DCAF15: variants seen among roughly 807,000 people sequenced by gnomAD.
DCAF15 encodes the protein DDB1- and CUL4-associated factor 15.
A neutral mutation model predicts 68.0 loss-of-function variants in DCAF15; 24 were observed. The ratio of observed to expected loss-of-function variants is 0.35; its 90% confidence interval spans 0.26 to 0.50. DCAF15 has a LOEUF of 0.50. DCAF15 is among the 20% of genes least tolerant of loss of function. The probability of loss-of-function intolerance (pLI) is 0.98; values close to 1 mark genes in which losing one functional copy is unlikely to be tolerated. For synonymous variants in DCAF15, 376 were observed against 341.6 expected, an observed-to-expected ratio of 1.10 and a Z score of -1.11; for missense variants, 627 against 830.6, an observed-to-expected ratio of 0.75 and a Z score of 3.01.
intron 10 of DCAF15, 62 bp from the exon 11 acceptor site, chr19:13,960,225 C>G: frequency 6.3e-7 from 1 of 1,579,214 alleles, no homozygotes; most frequent in Non-Finnish European, 8.7e-7. Flanking sequence ...TCAGGGTAGC[C>G]TGGGGCCTGG....
rs369087143 is a variant in DCAF15 at position 13,955,901 on chromosome 19, G to A, written c.367-11G>A. ...CCCTGACCCGGTGCTGCCCCTGAAC[G>A]TGCCTCACAGGTCCGGCAGGTTCGG... is the stretch of plus-strand genomic sequence containing the variant. On this transcript the variant is annotated splice_polypyrimidine_tract_variant and intron_variant, in intron 3 of 12. Coordinates refer to ENST00000254337, the MANE Select transcript of DCAF15 (RefSeq NM_138353.4). The A allele has an allele frequency of 1.7e-5, 28 of 1,613,308 alleles. No homozygotes were observed. Among genetic ancestry groups the A allele is most frequent in the South Asian group, 6.6e-5 (6 of 91,078 alleles).
At position 13,959,780 on chromosome 19, in the gene DCAF15, CAGT is replaced by C. The variant is rs759802684; in HGVS notation, c.1326_1328del (p.Val443del). ...ACTCACCCGCAGGGCCAGTACCTGA[CAGT>C]GGAGCAGCTCACACTAGACTTCGAA... is the stretch of plus-strand genomic sequence containing the variant. On this transcript the variant is annotated inframe_deletion, in exon 9 of 13. Coordinates refer to ENST00000254337, the MANE Select transcript of DCAF15 (RefSeq NM_138353.4). 2 of 1,613,548 alleles carry C rather than the reference CAGT, an allele frequency of 1.2e-6. No homozygotes were observed. Among genetic ancestry groups the C allele is most frequent in the African/African-American group, 2.7e-5 (2 of 74,752 alleles).
intron 1 of DCAF15, chr19:13,953,243 G>T (rs985798842): frequency 9.0e-7 from 1 of 1,106,120 alleles, no homozygotes. Context: ...CCAGAGCTGG[G>T]GGATGATGTC....
chr19:13,954,191 C>T (rs1973233810), intron 1 of DCAF15, 149 bp from the exon 2 acceptor site: 2 of 675,794 alleles, frequency 3.0e-6, no homozygotes, highest in African/African-American at 1.8e-5. Flanking sequence ...CTCAGTTGTT[C>T]CCACCTTCCA....
intron 1 of DCAF15, among the ~76,000 whole-genome samples, chr19:13,952,858 C>T (rs1003887451): frequency 2.2e-5 from 1 of 46,104 alleles, no homozygotes; most frequent in African/African-American, 8.6e-5. Flanking sequence ...GTCGGGTGAC[C>T]GGCAAAGGGG....
rs1354681198 is a variant in DCAF15 at position 13,961,101 on chromosome 19, C to T, written c.*106C>T. On this transcript the variant is annotated 3_prime_UTR_variant, in exon 13 of 13. Coordinates refer to ENST00000254337, the MANE Select transcript of DCAF15 (RefSeq NM_138353.4). ...GCCGGCTGGCCCACCGACTGATGAC[C>T]GGCACTAGTGTTAGCCTGCGGAACG... 2.5e-5 allele frequency: 34 copies of T among 1,361,608 alleles called. No homozygotes were observed. Among genetic ancestry groups the T allele is most frequent in the African/African-American group, 4.3e-5 (3 of 69,670 alleles). 84.3% of individuals were successfully genotyped at this position (1,361,608 alleles called of 1,614,324 possible).
In DCAF15 at chr19:13,959,208, C is replaced by T. The variant is rs746134435; in HGVS notation, c.948C>T (p.Ala316=). 1.9e-6 allele frequency: 3 copies of T among 1,613,130 alleles called. No homozygotes were observed. The South Asian group carries it at 3.3e-5, about 18-fold the overall frequency. ...CTGGGTCTCCTGAGCCCTCGCCCGC[C>T]ATTGCCAAAGCCAAGGAGTTTGTGG... ...RSSGSPEPSP[A]IAKAKEFVAD... The change falls in exon 7 of 13, where the codon GCC becomes GCT. Residue 316 remains alanine (A), a synonymous_variant. Coordinates refer to ENST00000254337, the MANE Select transcript of DCAF15 (RefSeq NM_138353.4).
chr19:13,956,845 T>C (rs975463816), intron 6 of DCAF15, among the ~76,000 whole-genome samples: 1 of 152,210 alleles, frequency 6.6e-6, no homozygotes, highest in Non-Finnish European at 1.5e-5. Context: ...CACTGCAACC[T>C]CCCAGGCTCA....
Position 13,959,175 on chromosome 19 carries a change from C to T in DCAF15, c.915C>T (p.Ala305=). 1.2e-6 allele frequency: 2 copies of T among 1,612,698 alleles called. No homozygotes were observed. Among genetic ancestry groups the T allele is most frequent in the South Asian group, 1.1e-5 (1 of 91,080 alleles). The change falls in exon 7 of 13, where the codon GCC becomes GCT. Residue 305 remains alanine, a synonymous_variant. Coordinates refer to ENST00000254337, the MANE Select transcript of DCAF15 (RefSeq NM_138353.4). ...LPSFCPEAAP[A]RSSGSPEPSP... ...GCTTCTGCCCTGAGGCGGCCCCAGCCCGTTCTTCTGGGTCTCCTGAGCCCT... is the reference window on the plus strand; with the variant it reads ...GCTTCTGCCCTGAGGCGGCCCCAGCTCGTTCTTCTGGGTCTCCTGAGCCCT...
At position 13,959,664 on chromosome 19, in the gene DCAF15, T is replaced by C; in HGVS notation, c.1302T>C (p.Thr434=). Residue 434 remains threonine, a synonymous_variant, in exon 8 of 13, where the codon ACT becomes ACC. Coordinates refer to ENST00000254337, the MANE Select transcript of DCAF15 (RefSeq NM_138353.4). ...ACCTGCGGCCCATGCGGGAGCGGAC[T>C]GCTGTCCAGGTGGGTGTGGGCAGTG... is the stretch of plus-strand genomic sequence containing the variant. ...GRNLRPMRER[T]AVQGQYLTVE... is the part of the protein sequence containing the mutation. 6.2e-7 allele frequency: 1 copy of C among 1,613,316 alleles called. No individual in the cohort carries two copies. Among genetic ancestry groups the C allele is most frequent in the African/African-American group, 1.3e-5 (1 of 75,018 alleles).
chr19:13,957,827 C>T (rs1973431552), intron 6 of DCAF15, among the ~76,000 whole-genome samples: 1 of 151,908 alleles, frequency 6.6e-6, no homozygotes, highest in East Asian at 1.9e-4. Context: ...GCGGAGGTTG[C>T]AGTGAGCCGA....
At chr19:13,959,533 C>T (rs367907632) in intron 7 of DCAF15, 49 bp from the exon 8 acceptor site, 51 of 1,611,260 alleles carry the variant, frequency 3.2e-5, no homozygotes, top group African/African-American at 2.3e-4. Context: ...CCAGCCCAGA[C>T]GGGGCCCCTG....
At chr19:13,956,099 A>T (rs372271736) in intron 4 of DCAF15, 24 bp from the exon 5 acceptor site, 48 of 1,610,200 alleles carry the variant, frequency 3.0e-5, no homozygotes, top group Non-Finnish European at 3.7e-5. Flanking sequence ...CCGACCAGGC[A>T]GCTGAGGGTA....
chr19:13,953,113 C>T (rs1049445201), intron 1 of DCAF15: 207 of 1,550,274 alleles, frequency 1.3e-4, no homozygotes, highest in Non-Finnish European at 1.8e-4. Flanking sequence ...CTGGGAGTTC[C>T]AGTACCTGGG....
chr19:13,957,628 C>T, intron 6 of DCAF15, among the ~76,000 whole-genome samples: 1 of 152,166 alleles, frequency 6.6e-6, no homozygotes, highest in Admixed American at 6.6e-5. Context: ...ACGATTTAGG[C>T]CAGGCACAGT....
chr19:13,956,116 C>A lies in DCAF15; in HGVS notation c.474-7C>A. 1 of 1,608,438 alleles carries A rather than the reference C, an allele frequency of 6.2e-7. No individual in the cohort carries two copies. Among genetic ancestry groups the A allele is most frequent in the Non-Finnish European group, 8.5e-7 (1 of 1,177,980 alleles). ...GACCAGGCAGCTGAGGGTATGCTGG[C>A]CCCCAGCACCCGCTCGGCCAACGGG... On this transcript the variant is annotated splice_region_variant and splice_polypyrimidine_tract_variant and intron_variant, in intron 4 of 12. Coordinates refer to ENST00000254337, the MANE Select transcript of DCAF15 (RefSeq NM_138353.4).
chr19:13,958,345 G>A (rs1289042526), intron 6 of DCAF15, among the ~76,000 whole-genome samples: 2 of 152,138 alleles, frequency 1.3e-5, no homozygotes, highest in Non-Finnish European at 2.9e-5. Context: ...GGGCTGTCAC[G>A]GTGGTGGAGG....
At chr19:13,956,285 G>A in intron 5 of DCAF15, 23 bp downstream of exon 5, 1 of 1,611,806 alleles carries the variant, frequency 6.2e-7, no homozygotes, top group Non-Finnish European at 8.5e-7. Context: ...AGGGGGCGAG[G>A]GCCTCTTCCC....
In DCAF15 at chr19:13,956,193, G is replaced by A. The variant is rs374888959; in HGVS notation, c.544G>A (p.Val182Ile). ...MSDENHRDIY[V>I]STVAVPPPGR... ...TGACGAGAACCACCGTGACATCTAC[G>A]TCAGCACCGTGGCCGTGCCACCGCC... The change falls in exon 5 of 13, where the codon GTC becomes ATC. Residue 182 changes from valine (V) to isoleucine (I), a missense_variant. Physicochemically the swap from Val to Ile is conservative, Grantham distance 29 (BLOSUM62 3). Transcript: ENST00000254337. 1.4e-5 allele frequency: 23 copies of A among 1,611,432 alleles called. No individual in the cohort carries two copies. Among genetic ancestry groups the A allele is most frequent in the African/African-American group, 6.7e-5 (5 of 74,896 alleles).
Sources: allele counts gnomAD v4.1 joint callset (sites outside exome capture counted in the v4.1 genomes callset), GRCh38; gene constraint gnomAD v4.1.1; transcripts MANE v1.5; gene names NCBI Gene and HGNC (gene_info 2026-07-23, HGNC 2026-07-21).